The following PDPN variants were observed in gnomAD, a reference collection of about 807,000 sequenced individuals.
The protein encoded by PDPN is podoplanin.
A neutral mutation model predicts 23.2 loss-of-function variants in PDPN; 12 were observed. That is an observed-to-expected ratio of 0.52 (90% CI 0.33 to 0.84). The LOEUF (loss-of-function observed/expected upper bound fraction) is 0.84. Among genes scored for constraint, PDPN ranks in the 40% least tolerant of loss-of-function variants. PDPN has a pLI of 0.02. For synonymous variants in PDPN, 77 were observed against 76.7 expected (o/e 1.00, Z -0.02); for missense variants, 199 against 212.2 (o/e 0.94, Z 0.39).
rs534695327 is a variant in PDPN, at chr1:13,592,145, A to G, written c.67+8045A>G. Reference sequence around the variant, plus strand: ...TGTTTGTTTAAATCCTTTGCTCACTAAAGTTGAGTTAAATCCTTTGCTAAC... The same window carrying G: ...TGTTTGTTTAAATCCTTTGCTCACTGAAGTTGAGTTAAATCCTTTGCTAAC... On this transcript the variant is annotated intron_variant, in intron 1 of 5. Coordinates refer to ENST00000621990, the MANE Select transcript of PDPN (RefSeq NM_006474.5). Among the ~76,000 whole-genome samples, 5 of 152,356 alleles carry G rather than the reference A, an allele frequency of 3.3e-5. 1 individual carries two copies. The South Asian group carries it at 1.0e-3, about 32-fold the overall frequency.
chr1:13,612,187 T>C (rs1350123652), intron 3 of PDPN, among the ~76,000 whole-genome samples: 1 of 152,200 alleles, frequency 6.6e-6, no homozygotes, highest in African/African-American at 2.4e-5. Flanking sequence ...CATTTTCACA[T>C]GTGAGCCAAA....
intron 1 of PDPN, among the ~76,000 whole-genome samples, chr1:13,601,270 C>CA (rs1278104936): frequency 1.3e-5 from 2 of 152,336 alleles, no homozygotes; most frequent in South Asian, 4.1e-4. Context: ...ACTCTGCAGA[C>CA]AGAGGGCCCA....
intron 1 of PDPN, among the ~76,000 whole-genome samples, chr1:13,601,823 A>G (rs1640647450): frequency 6.6e-6 from 1 of 152,270 alleles, no homozygotes; most frequent in Non-Finnish European, 1.5e-5. Context: ...AAACGTAAGT[A>G]CAATACCATA....
intron 1 of PDPN, among the ~76,000 whole-genome samples, chr1:13,598,488 C>T (rs1640554597): frequency 6.6e-6 from 1 of 152,170 alleles, no homozygotes; most frequent in South Asian, 2.1e-4. Context: ...TCAGCCTGAT[C>T]CTGGCACCTT....
chr1:13,609,805 G>A (rs1053471723), intron 2 of PDPN, among the ~76,000 whole-genome samples: 8 of 152,138 alleles, frequency 5.3e-5, no homozygotes, highest in African/African-American at 1.7e-4. Context: ...GGTGGCTCAC[G>A]CCTGTAATCC....
In PDPN at chr1:13,588,980, A is replaced by AGC. The variant is rs1553143570; in HGVS notation, c.67+4881_67+4882dup. ...ATACCCGGCCAACAATTCATTGAAT[A>AGC]GCTACTATTCAATAAATATTTATTG... is the stretch of plus-strand genomic sequence containing the variant. On this transcript the variant is annotated intron_variant, in intron 1 of 5. Transcript: ENST00000621990. 3.5e-4 allele frequency among the ~76,000 whole-genome samples: 44 copies of AGC among 126,890 alleles called. 3 individuals carry two copies. Among genetic ancestry groups the AGC allele is most frequent in the Middle Eastern group, 4.6e-3 (1 of 218 alleles). 83.2% of individuals were successfully genotyped at this position (126,890 alleles called of 152,430 possible). A position where few individuals can be genotyped will look rare whatever the true frequency, so the allele number is the denominator to read the frequency against.
chr1:13,611,207 C>T (rs562329468), intron 3 of PDPN, among the ~76,000 whole-genome samples: 5 of 146,890 alleles, frequency 3.4e-5, no homozygotes, highest in Middle Eastern at 3.4e-3. Flanking sequence ...GGCGACAGTG[C>T]GAGAATCCGT....
chr1:13,583,772 C>T (rs962601555), upstream of PDPN: 6 of 1,505,466 alleles, frequency 4.0e-6, no homozygotes, highest in Non-Finnish European at 5.3e-6. Context: ...ACCTTGCGGC[C>T]GACCCCGCTC....
At chr1:13,606,021 G>C (rs975317709) in intron 1 of PDPN, among the ~76,000 whole-genome samples, 6 of 150,912 alleles carry the variant, frequency 4.0e-5, no homozygotes, top group African/African-American at 1.5e-4. Flanking sequence ...TTTTTTTTTG[G>C]AGATTGGGTT....
chr1:13,592,009 C>A (rs529911946), intron 1 of PDPN, among the ~76,000 whole-genome samples: 1 of 152,318 alleles, frequency 6.6e-6, no homozygotes, highest in East Asian at 1.9e-4. Context: ...TGTAGCCATT[C>A]TAATGGGTAT....
rs555060633 is a variant in PDPN, at chr1:13,616,040, G to A, written c.*129G>A. The A allele has an allele frequency of 1.3e-4, 108 of 854,962 alleles. 1 individual carries two copies. In the Middle Eastern group the frequency reaches 1.9e-3, roughly 15 times the overall value. The allele number at this position is 854,962 out of a possible 1,614,324, so 53.0% of individuals were successfully genotyped here. A position where few individuals can be genotyped will look rare whatever the true frequency, so the allele number is the denominator to read the frequency against. Reference sequence around the variant, plus strand: ...CTTGCCTGGCCCACTCAGAATCCACGGTGACCTCTCCGCTTGCCAAAATAA... The same window carrying A: ...CTTGCCTGGCCCACTCAGAATCCACAGTGACCTCTCCGCTTGCCAAAATAA... On this transcript the variant is annotated 3_prime_UTR_variant, in exon 6 of 6. Transcript: ENST00000621990.
chr1:13,587,318 A>G (rs1640206368), intron 1 of PDPN, among the ~76,000 whole-genome samples: 1 of 152,202 alleles, frequency 6.6e-6, no homozygotes, highest in Non-Finnish European at 1.5e-5. Flanking sequence ...CACTTTTGAG[A>G]GAGGCACACC....
intron 1 of PDPN, among the ~76,000 whole-genome samples, chr1:13,590,074 C>T (rs953397062): frequency 3.3e-5 from 5 of 152,314 alleles, no homozygotes; most frequent in South Asian, 2.1e-4. Flanking sequence ...GTGATCCACC[C>T]GCCTCAGCCC....
At position 13,585,622 on chromosome 1, in the gene PDPN, G is replaced by T. The variant is rs368194545; in HGVS notation, c.67+1522G>T. On this transcript the variant is annotated intron_variant, in intron 1 of 5. Coordinates refer to ENST00000621990, the MANE Select transcript of PDPN (RefSeq NM_006474.5). ...GCTTTAGCTGTGATTCCCTTCAGCC[G>T]GCTCCTGAATGTCAAAGGTACTCCT... 2.2e-6 allele frequency: 3 copies of T among 1,351,878 alleles called. No individual in the cohort carries two copies. In the East Asian group the frequency reaches 1.4e-4, roughly 61 times the overall value. The allele number at this position is 1,351,878 out of a possible 1,614,324, so 83.7% of individuals were successfully genotyped here.
At chr1:13,587,871 C>T (rs1468959195) in intron 1 of PDPN, among the ~76,000 whole-genome samples, 3 of 152,174 alleles carry the variant, frequency 2.0e-5, no homozygotes, top group South Asian at 2.1e-4. Flanking sequence ...CCCTGTCCAC[C>T]GGCCTGTTGG....
chr1:13,615,148 C>T (rs144880760), intron 5 of PDPN, among the ~76,000 whole-genome samples: 2,201 of 152,268 alleles, frequency 0.014, 52 homozygotes, highest in African/African-American at 0.049. Context: ...TCTTGCCCTG[C>T]GTGCACCCAC....
chr1:13,596,221 C>T (rs1369970497), intron 1 of PDPN, among the ~76,000 whole-genome samples: 1 of 148,886 alleles, frequency 6.7e-6, no homozygotes, highest in African/African-American at 2.5e-5. Flanking sequence ...AAAAAAAGTT[C>T]TACCTGAATG....
intron 4 of PDPN, 82 bp downstream of exon 4, chr1:13,613,807 G>T (rs529060763): frequency 4.1e-6 from 3 of 739,980 alleles, no homozygotes; most frequent in East Asian, 2.6e-5. Context: ...GACGAATTGC[G>T]TTCTTTTCTG....
chr1:13,614,201 A>G, intron 4 of PDPN, 99 bp from the exon 5 acceptor site: 1 of 666,750 alleles, frequency 1.5e-6, no homozygotes, highest in Non-Finnish European at 2.7e-6. Context: ...AATATTTGCT[A>G]TGTGCAGTAG....
Sources: gnomAD v4.1 joint callset for allele counts (sites outside exome capture counted in the v4.1 genomes callset) on GRCh38, gnomAD v4.1.1 for gene constraint, MANE v1.5 for transcripts, NCBI Gene and HGNC (gene_info 2026-07-23, HGNC 2026-07-21) for gene names.